The following CCDC148 variants were observed in gnomAD, a reference collection of about 807,000 sequenced individuals.
CCDC148 encodes coiled-coil domain containing 148.
CCDC148 carries 89 observed loss-of-function variants against 85.7 expected under a neutral mutation model. That is an observed-to-expected ratio of 1.04 (90% confidence interval 0.87 to 1.24). CCDC148 has a LOEUF of 1.24. Among genes scored for constraint, CCDC148 ranks in the 50% most tolerant of loss-of-function variants. The pLI, the probability that CCDC148 is intolerant of heterozygous loss-of-function variation, is 0.00. For synonymous variants in CCDC148, 230 were observed against 213.9 expected (o/e 1.08, Z -0.66); for missense variants, 692 against 671.7 (o/e 1.03, Z -0.33).
At position 158,345,255 on chromosome 2, in the gene CCDC148, GC is replaced by G. The variant is rs1559085888; in HGVS notation, c.210del (p.Lys70AsnfsTer11). 1 of 1,613,446 alleles carries G rather than the reference GC, an allele frequency of 6.2e-7. No individual in the cohort carries two copies. The highest frequency in any genetic ancestry group is 1.7e-5 in the Admixed American group (1 of 59,956). On this transcript the variant is annotated frameshift_variant, in exon 3 of 14. Transcript: ENST00000283233. LOFTEE classifies it high-confidence loss of function. ...CTCTGGTATTCCTGCCACCACACTT[GC>G]TTGTGTTGTTTTATTAGTGTTTGTT... ...SKEQTLIKQHKQVWWQEYQRL... is the reference protein window; with the variant it reads ...SKEQTLIKQHXQVWWQEYQRL...
chr2:158,312,562 C>CAG (rs3080032), intron 8 of CCDC148, among the ~76,000 whole-genome samples: 121,087 of 131,454 alleles, frequency 0.92, 55,761 homozygotes, highest in East Asian at 0.98. Context: ...AGCCTGGCGA[C>CAG]AGTGAGAATC....
At chr2:158,198,839 T>C (rs940524572) in intron 11 of CCDC148, among the ~76,000 whole-genome samples, 1 of 152,190 alleles carries the variant, frequency 6.6e-6, no homozygotes, top group Non-Finnish European at 1.5e-5. Context: ...AAAGCTATTG[T>C]AAAGTTCAAG....
At chr2:158,273,800 G>A (rs531070571) in intron 9 of CCDC148, among the ~76,000 whole-genome samples, 2 of 152,214 alleles carry the variant, frequency 1.3e-5, no homozygotes, top group East Asian at 3.9e-4. Flanking sequence ...AGAGATTTAT[G>A]ACATGAACTT....
At chr2:158,382,246 C>T (rs1684902091) in intron 1 of CCDC148, among the ~76,000 whole-genome samples, 1 of 152,102 alleles carries the variant, frequency 6.6e-6, no homozygotes, top group African/African-American at 2.4e-5. Flanking sequence ...ACCTAGTCTA[C>T]AGTATTTTGT....
At chr2:158,326,678 T>C (rs1289256009) in intron 7 of CCDC148, among the ~76,000 whole-genome samples, 1 of 152,130 alleles carries the variant, frequency 6.6e-6, no homozygotes, top group Non-Finnish European at 1.5e-5. Flanking sequence ...ATTTTTACCC[T>C]TGTCAATTTT....
chr2:158,433,779 C>G (rs1429427697), intron 1 of CCDC148, among the ~76,000 whole-genome samples: 1 of 152,202 alleles, frequency 6.6e-6, no homozygotes, highest in East Asian at 1.9e-4. Context: ...CATCCTAATA[C>G]TGCGCTTTTC....
At position 158,175,911 on chromosome 2, in the gene CCDC148, T is replaced by C. The variant is rs201460968; in HGVS notation, c.1629+610A>G. Among the ~76,000 whole-genome samples, 15 of 152,130 alleles carry C rather than the reference T, an allele frequency of 9.9e-5. No homozygotes were observed. In the East Asian group the frequency reaches 2.7e-3, roughly 28 times the overall value. On this transcript the variant is annotated intron_variant, in intron 13 of 13. Transcript: ENST00000283233. ...CCATTCATCTGTTTTCCCTCCTACCTTCCATCCCTCAATCCATCCATCTAA... is the reference window on the plus strand; with the variant it reads ...CCATTCATCTGTTTTCCCTCCTACCCTCCATCCCTCAATCCATCCATCTAA...
chr2:158,295,418 C>T (rs1691134896), intron 9 of CCDC148, among the ~76,000 whole-genome samples: 2 of 151,916 alleles, frequency 1.3e-5, no homozygotes, highest in Non-Finnish European at 1.5e-5. Flanking sequence ...AGAGACACAA[C>T]AAAAAAAGAG....
chr2:158,305,529 T>C (rs1691643969), intron 9 of CCDC148, among the ~76,000 whole-genome samples: 1 of 152,094 alleles, frequency 6.6e-6, no homozygotes, highest in Non-Finnish European at 1.5e-5. Flanking sequence ...GAAGATTGCT[T>C]GAGGCCAGAA....
chr2:158,262,378 G>C (rs1035371931), intron 9 of CCDC148, among the ~76,000 whole-genome samples: 1 of 151,952 alleles, frequency 6.6e-6, no homozygotes. Flanking sequence ...TGTGGGAGGA[G>C]GGAGAGGAGC....
intron 1 of CCDC148, among the ~76,000 whole-genome samples, chr2:158,392,518 G>C (rs1013454861): frequency 2.0e-5 from 3 of 152,046 alleles, no homozygotes; most frequent in Admixed American, 2.0e-4. Flanking sequence ...TTTTGGATTT[G>C]AGATGTTCAA....
intron 1 of CCDC148, among the ~76,000 whole-genome samples, chr2:158,440,783 T>C (rs2105342340): frequency 6.6e-6 from 1 of 152,304 alleles, no homozygotes; most frequent in Non-Finnish European, 1.5e-5. Context: ...GGAATACTAC[T>C]CAGCAATAAA....
At chr2:158,333,535 G>A (rs375503128) in intron 7 of CCDC148, among the ~76,000 whole-genome samples, 2 of 152,070 alleles carry the variant, frequency 1.3e-5, no homozygotes, top group Admixed American at 6.6e-5. Flanking sequence ...TATTAGGTCC[G>A]TTTGGTCCTG....
intron 1 of CCDC148, among the ~76,000 whole-genome samples, chr2:158,404,051 A>C (rs1685897858): frequency 6.6e-6 from 1 of 152,142 alleles, no homozygotes; most frequent in Admixed American, 6.6e-5. Context: ...ACAGTTGCCT[A>C]ATGGAAGAGT....
At chr2:158,179,047 A>G (rs765935048) in intron 11 of CCDC148, 51 bp from the exon 12 acceptor site, 1 of 1,391,336 alleles carries the variant, frequency 7.2e-7, no homozygotes, top group Admixed American at 1.7e-5. Flanking sequence ...ATAATATTGG[A>G]GATTGTACAG....
chr2:158,372,183 C>G (rs918309003), intron 1 of CCDC148, among the ~76,000 whole-genome samples: 1 of 151,824 alleles, frequency 6.6e-6, no homozygotes, highest in Non-Finnish European at 1.5e-5. Flanking sequence ...TCCAAAACCC[C>G]AAGAGAAAAG....
intron 9 of CCDC148, among the ~76,000 whole-genome samples, chr2:158,257,348 T>A (rs2105148150): frequency 6.6e-6 from 1 of 151,986 alleles, no homozygotes; most frequent in East Asian, 1.9e-4. Context: ...GCTTCTAAAT[T>A]CAGTTCAGCT....
chr2:158,376,517 C>G (rs1190619618), intron 1 of CCDC148, among the ~76,000 whole-genome samples: 1 of 152,052 alleles, frequency 6.6e-6, no homozygotes, highest in Non-Finnish European at 1.5e-5. Context: ...TATTAAATTA[C>G]AGTGCCTGGA....
chr2:158,371,280 C>A (rs1684429586), intron 1 of CCDC148, among the ~76,000 whole-genome samples: 1 of 151,984 alleles, frequency 6.6e-6, no homozygotes, highest in Admixed American at 6.6e-5. Context: ...ACTTGTTGCA[C>A]TGTATAGAAC....
Sources: allele counts gnomAD v4.1 joint callset (sites outside exome capture counted in the v4.1 genomes callset), GRCh38; gene constraint gnomAD v4.1.1; transcripts MANE v1.5; gene names NCBI Gene and HGNC (gene_info 2026-07-23, HGNC 2026-07-21).